Variants in FAT3 observed in about 807,000 individuals in gnomAD.
The protein encoded by FAT3 is protocadherin Fat 3.
A neutral mutation model predicts 310.2 loss-of-function variants in FAT3; 95 were observed. That is an observed-to-expected ratio of 0.31 (90% CI 0.26 to 0.36). The LOEUF is 0.36. FAT3 is among the 10% of genes least tolerant of loss of function. The pLI, the probability that FAT3 is intolerant of heterozygous loss-of-function variation, is 1.00. For synonymous variants in FAT3, 2,314 were observed against 2,192.9 expected, an observed-to-expected ratio of 1.06 and a Z score of -1.54; for missense variants, 5,408 against 5,715.6, an observed-to-expected ratio of 0.95 and a Z score of 1.74.
intron 22 of FAT3, among the ~76,000 whole-genome samples, chr11:92,867,562 A>G (rs1198032918): frequency 1.3e-5 from 2 of 152,172 alleles, no homozygotes; most frequent in Non-Finnish European, 2.9e-5. Flanking sequence ...AGCCACCTGC[A>G]TGTCACTGCA....
chr11:92,351,971 T>G, intron 1 of FAT3, 125 bp from the exon 2 acceptor site: 1 of 501,698 alleles, frequency 2.0e-6, no homozygotes. Context: ...CTTATATTGC[T>G]GTTTTAGTAA....
chr11:92,447,520 A>G (rs1372599387), intron 2 of FAT3, among the ~76,000 whole-genome samples: 1 of 152,168 alleles, frequency 6.6e-6, no homozygotes. Context: ...AAACAATTAA[A>G]CACCATTCTA....
At chr11:92,543,936 A>C (rs1424351595) in intron 3 of FAT3, among the ~76,000 whole-genome samples, 1 of 152,128 alleles carries the variant, frequency 6.6e-6, no homozygotes, top group Non-Finnish European at 1.5e-5. Flanking sequence ...CTGTTTTTGC[A>C]GTCCTTCATT....
In FAT3 at chr11:92,811,054, T is replaced by C. The variant is rs193131456; in HGVS notation, c.9481+978T>C. Among the ~76,000 whole-genome samples the C allele has an allele frequency of 3.4e-3, 518 of 152,284 alleles. 4 individuals are homozygous for C. Among genetic ancestry groups the C allele is most frequent in the Non-Finnish European group, 3.9e-3 (265 of 68,018 alleles). ...TCTGCATATTTTCCCTTAGAGAAAT[T>C]AGTGGCTACAATTTGAATTATTGCT... On this transcript the variant is annotated intron_variant, in intron 13 of 27. Transcript: ENST00000525166.
chr11:92,549,282 A>G (rs666574), intron 3 of FAT3, among the ~76,000 whole-genome samples: 61,692 of 151,868 alleles, frequency 0.41, 12,981 homozygotes, highest in Middle Eastern at 0.54. Context: ...CCGTATTTTG[A>G]TTCAAGCAGA....
At chr11:92,459,312 C>G (rs1464693326) in intron 2 of FAT3, among the ~76,000 whole-genome samples, 1 of 152,110 alleles carries the variant, frequency 6.6e-6, no homozygotes, top group Admixed American at 6.5e-5. Flanking sequence ...GCGGGGAGTT[C>G]CAGTTGGCCA....
chr11:92,382,376 T>C (rs1949515960), intron 2 of FAT3, among the ~76,000 whole-genome samples: 2 of 152,204 alleles, frequency 1.3e-5, no homozygotes, highest in Non-Finnish European at 1.5e-5. Flanking sequence ...CAATATTTTG[T>C]ACAGTTTTCA....
chr11:92,550,059 A>G (rs531581936), intron 3 of FAT3, among the ~76,000 whole-genome samples: 2 of 152,334 alleles, frequency 1.3e-5, no homozygotes, highest in African/African-American at 4.8e-5. Context: ...TAGAGCTTGT[A>G]GAGTCTGCAT....
intron 2 of FAT3, among the ~76,000 whole-genome samples, chr11:92,429,897 T>C (rs570494037): frequency 2.8e-4 from 42 of 152,310 alleles, no homozygotes; most frequent in African/African-American, 9.9e-4. Flanking sequence ...GTGTTCTCTC[T>C]ATTTCCTGAA....
At chr11:92,743,634 T>C (rs548250662) in intron 4 of FAT3, among the ~76,000 whole-genome samples, 2 of 152,342 alleles carry the variant, frequency 1.3e-5, no homozygotes, top group East Asian at 3.9e-4. Context: ...GAGGGCCGCA[T>C]GTGTCCTAAG....
At chr11:92,491,520 T>C (rs774800507) in intron 2 of FAT3, among the ~76,000 whole-genome samples, 2 of 151,824 alleles carry the variant, frequency 1.3e-5, no homozygotes, top group Non-Finnish European at 2.9e-5. Context: ...AAGCAGACAA[T>C]GGAAGGAAAG....
chr11:92,233,339 T>G (rs1864270233), intron 1 of FAT3, among the ~76,000 whole-genome samples: 1 of 152,224 alleles, frequency 6.6e-6, no homozygotes, highest in Admixed American at 6.5e-5. Flanking sequence ...CCATCTTTCC[T>G]GTAGACATAG....
At chr11:92,810,183 AC>A in intron 13 of FAT3, 107 bp downstream of exon 13, 1 of 952,506 alleles carries the variant, frequency 1.0e-6, no homozygotes, top group Non-Finnish European at 1.6e-6. Context: ...TTGGTTCTTT[AC>A]CACGAGAACA....
intron 13 of FAT3, among the ~76,000 whole-genome samples, chr11:92,819,169 A>T (rs1003128082): frequency 1.4e-4 from 21 of 152,324 alleles, no homozygotes; most frequent in African/African-American, 4.8e-4. Flanking sequence ...AGACAACATG[A>T]TAGGGGCCAC....
intron 3 of FAT3, among the ~76,000 whole-genome samples, chr11:92,632,295 TAG>T (rs1431473560): frequency 2.2e-5 from 3 of 134,252 alleles, no homozygotes; most frequent in East Asian, 2.1e-4. Context: ...TATAAAAATC[TAG>T]AGTCACTCAG....
At chr11:92,255,849 A>G (rs571788740) in intron 1 of FAT3, among the ~76,000 whole-genome samples, 4 of 152,170 alleles carry the variant, frequency 2.6e-5, no homozygotes, top group African/African-American at 4.8e-5. Flanking sequence ...TTCATATTTC[A>G]CACTGTTGCG....
At chr11:92,765,895 C>A (rs886374901) in intron 6 of FAT3, among the ~76,000 whole-genome samples, 2 of 151,584 alleles carry the variant, frequency 1.3e-5, no homozygotes, top group East Asian at 3.9e-4. Flanking sequence ...TGGGCCTTTT[C>A]CAATGGAAAA....
chr11:92,425,317 C>T (rs1591271003), intron 2 of FAT3, among the ~76,000 whole-genome samples: 1 of 151,986 alleles, frequency 6.6e-6, no homozygotes, highest in South Asian at 2.1e-4. Flanking sequence ...CAAAGATCAG[C>T]AAACCCTGAA....
chr11:92,865,973 C>T (rs1949236585), intron 21 of FAT3, among the ~76,000 whole-genome samples: 1 of 152,182 alleles, frequency 6.6e-6, no homozygotes. Context: ...GTGTCACAAA[C>T]GATCCAGATA....
Sources: gnomAD v4.1 joint callset for allele counts (sites outside exome capture counted in the v4.1 genomes callset) on GRCh38, gnomAD v4.1.1 for gene constraint, MANE v1.5 for transcripts, NCBI Gene and HGNC (gene_info 2026-07-23, HGNC 2026-07-21) for gene names.